The following CPNE8 variants were observed in gnomAD, a reference collection of about 807,000 sequenced individuals.
CPNE8 encodes the protein copine-8.
Under a neutral mutation model 81.5 loss-of-function variants are expected in CPNE8, and 45 were observed. That is an observed-to-expected ratio of 0.55 (90% confidence interval 0.44 to 0.71). The LOEUF is 0.71. CPNE8 is among the 30% of genes least tolerant of loss of function. The pLI is 0.00. For missense variants in CPNE8, 594 were observed against 672.1 expected (o/e 0.88, Z 1.28); for synonymous variants, 252 against 226.3 (o/e 1.11, Z -1.02).
Position 38,695,182 on chromosome 12 carries a change from A to T in CPNE8, c.962-1344T>A, listed in dbSNP as rs1939766909. 1.3e-5 allele frequency among the ~76,000 whole-genome samples: 2 copies of T among 152,188 alleles called. 1 individual carries two copies. The highest frequency in any genetic ancestry group is 6.3e-3 in the Middle Eastern group (2 of 316). The stretch of plus-strand genomic sequence containing the variant: ...CTCACTTTAGAAAACTTGCAATTGT[A>T]AATTCTTCCTCTGCACCTTTGAGAT... On this transcript the variant is annotated intron_variant, in intron 14 of 19. Transcript: ENST00000331366.
At position 38,861,245 on chromosome 12, in the gene CPNE8, C is replaced by T. The variant is rs550882819; in HGVS notation, c.186+11759G>A. 7.2e-5 allele frequency among the ~76,000 whole-genome samples: 11 copies of T among 151,988 alleles called. No individual in the cohort carries two copies. In the South Asian group the frequency reaches 1.9e-3, roughly 26 times the overall value. ...ACTGGCTGGGCGGGGGAGAGAAAAACGGGAAATTGTTGTTCAATGGGTATA... is the reference window on the plus strand; with the variant it reads ...ACTGGCTGGGCGGGGGAGAGAAAAATGGGAAATTGTTGTTCAATGGGTATA... On this transcript the variant is annotated intron_variant, in intron 3 of 19. Transcript: ENST00000331366.
Position 38,834,399 on chromosome 12 carries a change from C to T in CPNE8, c.331-4944G>A, listed in dbSNP as rs73274731. On this transcript the variant is annotated intron_variant, in intron 5 of 19. Transcript: ENST00000331366. ...CTCAATCTCCTTCTCCCCAATGTAC[C>T]TCATTATATGAACCACATCACTATT... 7.1e-3 allele frequency among the ~76,000 whole-genome samples: 1,081 copies of T among 152,220 alleles called. 11 individuals are homozygous for T. The highest frequency in any genetic ancestry group is 0.025 in the African/African-American group (1,054 of 41,528).
chr12:38,789,187 C>G (rs575493846), intron 6 of CPNE8, among the ~76,000 whole-genome samples: 12 of 151,958 alleles, frequency 7.9e-5, no homozygotes, highest in Middle Eastern at 3.4e-3. Context: ...AATTACATTA[C>G]CTGACTTTGA....
intron 19 of CPNE8, among the ~76,000 whole-genome samples, chr12:38,664,426 T>A (rs1193316971): frequency 6.6e-6 from 1 of 152,098 alleles, no homozygotes; most frequent in African/African-American, 2.4e-5. Flanking sequence ...ATTTATATAG[T>A]CAATATAAAG....
intron 6 of CPNE8, among the ~76,000 whole-genome samples, chr12:38,824,966 G>T (rs1352235964): frequency 6.6e-6 from 1 of 152,152 alleles, no homozygotes; most frequent in Non-Finnish European, 1.5e-5. Context: ...TTTAGTGGCT[G>T]TCCTACAATG....
chr12:38,736,757 T>A (rs975418056), intron 10 of CPNE8, among the ~76,000 whole-genome samples: 1 of 152,000 alleles, frequency 6.6e-6, no homozygotes, highest in Admixed American at 6.6e-5. Context: ...AGAAAGCATA[T>A]GATAGTTAAG....
At chr12:38,702,724 A>G in intron 14 of CPNE8, 151 bp downstream of exon 14, 1 of 447,226 alleles carries the variant, frequency 2.2e-6, no homozygotes, top group East Asian at 3.6e-5. Flanking sequence ...CTATTTCACA[A>G]CATTAAAAAG....
intron 19 of CPNE8, among the ~76,000 whole-genome samples, chr12:38,655,783 G>GAA (rs1046222046): frequency 2.0e-5 from 3 of 151,964 alleles, no homozygotes; most frequent in African/African-American, 7.2e-5. Context: ...AAGAAGAGAA[G>GAA]AAAACTATTC....
At chr12:38,783,094 G>T (rs913852445) in intron 6 of CPNE8, among the ~76,000 whole-genome samples, 1 of 152,098 alleles carries the variant, frequency 6.6e-6, no homozygotes, top group Non-Finnish European at 1.5e-5. Context: ...GAGAGACATA[G>T]AATAATAAAA....
At chr12:38,823,229 C>T (rs1435545641) in intron 6 of CPNE8, among the ~76,000 whole-genome samples, 1 of 152,170 alleles carries the variant, frequency 6.6e-6, no homozygotes, top group African/African-American at 2.4e-5. Context: ...TATTCTGAAG[C>T]TTCCTTTCTG....
intron 6 of CPNE8, among the ~76,000 whole-genome samples, chr12:38,823,091 A>G (rs1943131084): frequency 6.6e-6 from 1 of 152,110 alleles, no homozygotes; most frequent in South Asian, 2.1e-4. Flanking sequence ...TTTGATCTCT[A>G]AGTGCATTCA....
intron 3 of CPNE8, among the ~76,000 whole-genome samples, chr12:38,866,920 G>A (rs1000112533): frequency 6.6e-5 from 10 of 151,922 alleles, no homozygotes; most frequent in African/African-American, 1.9e-4. Flanking sequence ...GTGCAATGGC[G>A]GGATCTCAGC....
intron 19 of CPNE8, among the ~76,000 whole-genome samples, chr12:38,654,491 GC>G (rs1938773794): frequency 7.7e-6 from 1 of 130,110 alleles, no homozygotes; most frequent in Admixed American, 9.5e-5. Flanking sequence ...CTCCAGCCTG[GC>G]CGACAGAGCG....
At chr12:38,710,468 A>C (rs1940227560) in intron 13 of CPNE8, among the ~76,000 whole-genome samples, 1 of 152,078 alleles carries the variant, frequency 6.6e-6, no homozygotes, top group African/African-American at 2.4e-5. Flanking sequence ...AAAACTATCA[A>C]ATCTCTGGGT....
intron 11 of CPNE8, among the ~76,000 whole-genome samples, chr12:38,729,080 A>G (rs866469418): frequency 5.9e-5 from 9 of 152,208 alleles, no homozygotes; most frequent in Middle Eastern, 3.4e-3. Flanking sequence ...AAAGCTAGAG[A>G]AACTAAAAGT....
At chr12:38,796,579 A>T (rs1942479786) in intron 6 of CPNE8, among the ~76,000 whole-genome samples, 1 of 152,162 alleles carries the variant, frequency 6.6e-6, no homozygotes, top group Admixed American at 6.5e-5. Context: ...AGATGGCCGA[A>T]TAGGAACAGC....
At chr12:38,750,696 C>T (rs750949069) in intron 10 of CPNE8, among the ~76,000 whole-genome samples, 10 of 152,156 alleles carry the variant, frequency 6.6e-5, no homozygotes, top group Admixed American at 6.5e-4. Context: ...CCCAATTGTA[C>T]CTAGGAAGTA....
intron 3 of CPNE8, among the ~76,000 whole-genome samples, chr12:38,850,304 G>C (rs1943625594): frequency 6.6e-6 from 1 of 152,102 alleles, no homozygotes; most frequent in Non-Finnish European, 1.5e-5. Context: ...CAAGTATCTG[G>C]ATTTTTAACC....
intron 14 of CPNE8, among the ~76,000 whole-genome samples, chr12:38,696,444 C>T (rs143006388): frequency 0.011 from 1,617 of 151,326 alleles, 34 homozygotes; most frequent in African/African-American, 0.036. Flanking sequence ...TTTGTATTTC[C>T]TCTGTATCTG....
Sources: allele counts gnomAD v4.1 joint callset (sites outside exome capture counted in the v4.1 genomes callset), GRCh38; gene constraint gnomAD v4.1.1; transcripts MANE v1.5; gene names NCBI Gene and HGNC (gene_info 2026-07-23, HGNC 2026-07-21).